The following GLIS3 variants were observed in gnomAD, a reference collection of about 807,000 sequenced individuals.
The protein encoded by GLIS3 is zinc finger protein GLIS3.
Under a neutral mutation model 78.6 loss-of-function variants are expected in GLIS3, and 53 were observed. That is an observed-to-expected ratio of 0.67 (90% CI 0.54 to 0.85). GLIS3 has a LOEUF of 0.85. Ranked by LOEUF, GLIS3 falls within the 40% of genes least tolerant of loss-of-function variation. GLIS3 has a pLI of 0.00. For synonymous variants in GLIS3, 684 were observed against 509.9 expected (o/e 1.34, Z -4.60); for missense variants, 1,703 against 1,231.1 (o/e 1.38, Z -5.74).
the GLIS3 span, among the ~76,000 whole-genome samples, chr9:4,370,214 A>C: frequency 6.6e-6 from 1 of 151,396 alleles, no homozygotes; most frequent in African/African-American, 2.4e-5. Flanking sequence ...CAACCAAAAA[A>C]CAAAAAACAA....
intron 6 of GLIS3, among the ~76,000 whole-genome samples, chr9:3,907,760 C>A (rs1162450981): frequency 6.6e-6 from 1 of 152,114 alleles, no homozygotes; most frequent in African/African-American, 2.4e-5. Context: ...GAATTGGCAC[C>A]CATGCCTTGC....
intron 3 of GLIS3, among the ~76,000 whole-genome samples, chr9:4,310,074 T>C (rs1448096730): frequency 6.6e-6 from 1 of 152,186 alleles, no homozygotes; most frequent in Non-Finnish European, 1.5e-5. Context: ...CATCAGAGAA[T>C]GTTTTTAAGT....
At chr9:4,188,558 T>C (rs376771160) in intron 2 of GLIS3, among the ~76,000 whole-genome samples, 3 of 152,004 alleles carry the variant, frequency 2.0e-5, no homozygotes, top group Non-Finnish European at 2.9e-5. Flanking sequence ...TTGGAATAGT[T>C]TCAGAAGTAA....
intron 4 of GLIS3, among the ~76,000 whole-genome samples, chr9:3,939,822 A>G (rs1344703576): frequency 6.6e-6 from 1 of 152,146 alleles, no homozygotes. Flanking sequence ...CCCCCAACTC[A>G]CTCTTGTTGA....
the GLIS3 span, among the ~76,000 whole-genome samples, chr9:4,394,510 G>A: frequency 2.0e-5 from 3 of 152,084 alleles, no homozygotes; most frequent in Admixed American, 2.0e-4. Context: ...CGGGAAACCT[G>A]TAACTGTCAA....
intron 4 of GLIS3, among the ~76,000 whole-genome samples, chr9:4,059,951 T>A (rs930593212): frequency 1.3e-5 from 2 of 152,052 alleles, no homozygotes; most frequent in Admixed American, 1.3e-4. Context: ...AAGGCAGGTG[T>A]GAAGGTTCCT....
intron 2 of GLIS3, among the ~76,000 whole-genome samples, chr9:4,144,454 T>C (rs1397555922): frequency 6.6e-6 from 1 of 152,218 alleles, no homozygotes; most frequent in African/African-American, 2.4e-5. Context: ...TTCTGTGTCA[T>C]TTTTGTTTAG....
At chr9:3,889,344 A>C (rs1822275848) in intron 7 of GLIS3, among the ~76,000 whole-genome samples, 1 of 152,174 alleles carries the variant, frequency 6.6e-6, no homozygotes, top group Non-Finnish European at 1.5e-5. Flanking sequence ...GGTTCCATAG[A>C]GTGCCCTGGG....
At chr9:4,211,014 A>C (rs909642714) in intron 2 of GLIS3, among the ~76,000 whole-genome samples, 7 of 152,132 alleles carry the variant, frequency 4.6e-5, no homozygotes, top group Non-Finnish European at 1.0e-4. Flanking sequence ...TTCTCCACTT[A>C]AGTAAATCCT....
chr9:4,300,214 AC>A (rs1817004914), upstream of GLIS3, among the ~76,000 whole-genome samples: 5 of 10,834 alleles, frequency 4.6e-4, no homozygotes, highest in Admixed American at 0.01. Flanking sequence ...GCATTCACAC[AC>A]ACACACACAC....
intron 2 of GLIS3, among the ~76,000 whole-genome samples, chr9:4,276,599 A>C (rs1478636602): frequency 5.3e-5 from 8 of 151,886 alleles, no homozygotes; most frequent in Non-Finnish European, 1.2e-4. Context: ...ATAGGTGACT[A>C]ATGAAAGTTC....
chr9:3,943,903 T>A (rs1026493756), intron 4 of GLIS3, among the ~76,000 whole-genome samples: 3 of 152,198 alleles, frequency 2.0e-5, no homozygotes, highest in African/African-American at 7.2e-5. Flanking sequence ...TAAACTATAA[T>A]AAAGAGATTC....
chr9:4,408,733 A>C, the GLIS3 span, among the ~76,000 whole-genome samples: 1 of 151,328 alleles, frequency 6.6e-6, no homozygotes. Flanking sequence ...TCTCAAAAAA[A>C]AAAAAAAAAA....
chr9:4,138,211 C>T (rs1833545944), intron 2 of GLIS3, among the ~76,000 whole-genome samples: 1 of 152,078 alleles, frequency 6.6e-6, no homozygotes, highest in Non-Finnish European at 1.5e-5. Flanking sequence ...AGGACTTCCA[C>T]AAATATAAGA....
intron 9 of GLIS3, among the ~76,000 whole-genome samples, chr9:3,841,231 G>A (rs907803488): frequency 6.6e-6 from 1 of 152,184 alleles, no homozygotes; most frequent in Non-Finnish European, 1.5e-5. Flanking sequence ...TAATTGCAGT[G>A]TGTCTCAGTA....
the GLIS3 span, among the ~76,000 whole-genome samples, chr9:4,359,404 G>C: frequency 1.3e-5 from 2 of 152,138 alleles, no homozygotes; most frequent in Non-Finnish European, 2.9e-5. Context: ...TCACAGCAAA[G>C]AGCAGGACAG....
chr9:3,828,853 T>C (rs1339435486), intron 10 of GLIS3, among the ~76,000 whole-genome samples: 1 of 152,058 alleles, frequency 6.6e-6, no homozygotes, highest in Non-Finnish European at 1.5e-5. Flanking sequence ...GGGAAAAATA[T>C]GTGTGGGCAG....
At chr9:4,476,876 T>C in the GLIS3 span, among the ~76,000 whole-genome samples, 1 of 152,128 alleles carries the variant, frequency 6.6e-6, no homozygotes, top group Non-Finnish European at 1.5e-5. Context: ...AGAATAGCTG[T>C]TTTTAGACAG....
At chr9:4,347,765 A>G (rs530283272) in intron 1 of GLIS3, among the ~76,000 whole-genome samples, 23 of 152,102 alleles carry the variant, frequency 1.5e-4, no homozygotes, top group Admixed American at 7.9e-4. Flanking sequence ...GGGGGAGTCT[A>G]TCGCTTTACA....
Sources: allele counts gnomAD v4.1 joint callset (sites outside exome capture counted in the v4.1 genomes callset), GRCh38; gene constraint gnomAD v4.1.1; transcripts MANE v1.5; gene names NCBI Gene and HGNC (gene_info 2026-07-23, HGNC 2026-07-21).